Variants in CALN1 observed in about 807,000 individuals in gnomAD.
CALN1 encodes calneuron 1, also known as calcium-binding protein 8.
In CALN1, 17 loss-of-function variants were observed where a neutral mutation model predicts 30.6. The ratio of observed to expected loss-of-function variants is 0.56; its 90% CI spans 0.38 to 0.83. CALN1 has a LOEUF of 0.83. Among genes scored for constraint, CALN1 ranks in the 40% least tolerant of loss-of-function variants. CALN1 has a pLI of 0.00. For missense variants in CALN1, 291 were observed against 354.9 expected, an observed-to-expected ratio of 0.82 and a Z score of 1.45; for synonymous variants, 156 against 131.4, an observed-to-expected ratio of 1.19 and a Z score of -1.28.
intron 2 of CALN1, among the ~76,000 whole-genome samples, chr7:72,365,827 G>A (rs62463227): frequency 0.03 from 4,607 of 152,274 alleles, 95 homozygotes; most frequent in Non-Finnish European, 0.049. Context: ...AAAGTATAGG[G>A]AAAATTCAGT....
intron 2 of CALN1, among the ~76,000 whole-genome samples, chr7:72,308,375 G>GAA (rs1799807362): frequency 2.7e-4 from 8 of 29,886 alleles, no homozygotes; most frequent in Non-Finnish European, 5.6e-4. Context: ...GGGGGGGGGA[G>GAA]AGAGAGAGAG....
At chr7:72,356,420 T>A (rs1803232871) in intron 2 of CALN1, among the ~76,000 whole-genome samples, 1 of 151,998 alleles carries the variant, frequency 6.6e-6, no homozygotes, top group Non-Finnish European at 1.5e-5. Context: ...TAAAGTGTTC[T>A]AAGGTCCTTG....
At chr7:72,245,371 C>G (rs958006833) in intron 3 of CALN1, among the ~76,000 whole-genome samples, 1 of 152,148 alleles carries the variant, frequency 6.6e-6, no homozygotes. Context: ...ATAATCCCAG[C>G]ACTTTGGGAG....
At chr7:72,183,940 C>T (rs551980433) in intron 3 of CALN1, among the ~76,000 whole-genome samples, 1 of 151,986 alleles carries the variant, frequency 6.6e-6, no homozygotes, top group East Asian at 1.9e-4. Context: ...CTTCATGGAT[C>T]CAAAGCAGGA....
chr7:72,278,501 AC>A (rs1797506826), intron 3 of CALN1, among the ~76,000 whole-genome samples, 184 bp downstream of exon 3: 1 of 151,810 alleles, frequency 6.6e-6, no homozygotes, highest in Non-Finnish European at 1.5e-5. Context: ...ACACACACAC[AC>A]ACACACACAC....
chr7:72,080,583 G>C (rs997779203), intron 4 of CALN1, among the ~76,000 whole-genome samples: 4 of 152,172 alleles, frequency 2.6e-5, no homozygotes, highest in Admixed American at 6.5e-5. Flanking sequence ...AGCAGGATAA[G>C]ACAGTCCCTA....
At chr7:72,041,235 G>GC (rs1212392173) in intron 4 of CALN1, among the ~76,000 whole-genome samples, 1 of 152,086 alleles carries the variant, frequency 6.6e-6, no homozygotes, top group East Asian at 1.9e-4. Flanking sequence ...CCAATCAAGG[G>GC]CAGGTGGTTA....
chr7:72,324,169 A>G (rs946892103), intron 2 of CALN1, among the ~76,000 whole-genome samples: 3 of 151,458 alleles, frequency 2.0e-5, no homozygotes, highest in African/African-American at 7.3e-5. Context: ...GCCCCAGGAG[A>G]CTCCTGGGAT....
At chr7:71,891,137 A>AT (rs775010910) in intron 5 of CALN1, among the ~76,000 whole-genome samples, 14 of 152,176 alleles carry the variant, frequency 9.2e-5, no homozygotes, top group Non-Finnish European at 1.8e-4. Context: ...TCATGGCTGT[A>AT]TAATATTCGA....
intron 5 of CALN1, among the ~76,000 whole-genome samples, chr7:71,849,473 A>G (rs1326143446): frequency 6.8e-6 from 1 of 147,884 alleles, no homozygotes; most frequent in African/African-American, 2.5e-5. Context: ...TTTAGGATCA[A>G]TTTAGCGATT....
At chr7:72,034,092 G>A (rs1363690114) in intron 4 of CALN1, among the ~76,000 whole-genome samples, 4 of 151,930 alleles carry the variant, frequency 2.6e-5, no homozygotes, top group South Asian at 2.1e-4. Flanking sequence ...GGTGGCTCAC[G>A]CCTGTAATCC....
intron 4 of CALN1, among the ~76,000 whole-genome samples, chr7:72,093,623 G>C (rs1408531382): frequency 6.6e-6 from 1 of 152,144 alleles, no homozygotes; most frequent in African/African-American, 2.4e-5. Context: ...TTATGGTAAC[G>C]ATGATGACTA....
chr7:72,382,825 C>T (rs1804984939), intron 2 of CALN1, among the ~76,000 whole-genome samples: 1 of 152,130 alleles, frequency 6.6e-6, no homozygotes, highest in Admixed American at 6.5e-5. Context: ...GGAGTCTCAC[C>T]ATTGCCAGGC....
intron 4 of CALN1, among the ~76,000 whole-genome samples, chr7:72,064,581 T>A (rs749369058): frequency 1.3e-5 from 2 of 152,146 alleles, no homozygotes; most frequent in Non-Finnish European, 2.9e-5. Flanking sequence ...AAATCATATA[T>A]TTTGCAACAA....
At chr7:72,216,123 A>C (rs1792791593) in intron 3 of CALN1, among the ~76,000 whole-genome samples, 1 of 152,082 alleles carries the variant, frequency 6.6e-6, no homozygotes, top group Admixed American at 6.6e-5. Context: ...TTGACCTTAA[A>C]TATCACTGGG....
intron 4 of CALN1, among the ~76,000 whole-genome samples, chr7:72,061,284 A>C (rs561966561): frequency 6.6e-6 from 1 of 152,222 alleles, no homozygotes; most frequent in Non-Finnish European, 1.5e-5. Context: ...TGTATAAGAA[A>C]ACACAATCAC....
At chr7:71,864,829 C>CT (rs1485705458) in intron 5 of CALN1, among the ~76,000 whole-genome samples, 1 of 152,102 alleles carries the variant, frequency 6.6e-6, no homozygotes, top group Non-Finnish European at 1.5e-5. Flanking sequence ...TGGTGAAACT[C>CT]TGTCTCTACA....
intron 5 of CALN1, among the ~76,000 whole-genome samples, chr7:71,827,661 A>G (rs1251105128): frequency 4.6e-5 from 7 of 151,978 alleles, no homozygotes; most frequent in African/African-American, 7.3e-5. Flanking sequence ...AGTCCCAGCT[A>G]CTCAGGAGGC....
chr7:72,397,297 G>A (rs373119451), intron 2 of CALN1, among the ~76,000 whole-genome samples: 141 of 152,286 alleles, frequency 9.3e-4, no homozygotes, highest in African/African-American at 3.2e-3. Context: ...CCAGAGAGAG[G>A]CAGGTTGCAG....
Sources: gnomAD v4.1 joint callset for allele counts (sites outside exome capture counted in the v4.1 genomes callset) on GRCh38, gnomAD v4.1.1 for gene constraint, MANE v1.5 for transcripts, NCBI Gene and HGNC (gene_info 2026-07-23, HGNC 2026-07-21) for gene names.